PAQR5: variants seen among roughly 807,000 people sequenced by gnomAD.
PAQR5 encodes the protein membrane progestin receptor gamma.
In PAQR5, 20 loss-of-function variants were observed where a neutral mutation model predicts 34.5. That is an observed-to-expected ratio of 0.58 (90% confidence interval 0.41 to 0.84). The LOEUF is 0.84. Among genes scored for constraint, PAQR5 ranks in the 40% least tolerant of loss-of-function variants. PAQR5 has a pLI of 0.00. For synonymous variants in PAQR5, 131 were observed against 155.6 expected, an observed-to-expected ratio of 0.84 and a Z score of 1.18; for missense variants, 378 against 412.7, an observed-to-expected ratio of 0.92 and a Z score of 0.73.
chr15:69,305,423 A>T (rs1024023244), intron 1 of PAQR5, among the ~76,000 whole-genome samples: 1 of 151,738 alleles, frequency 6.6e-6, no homozygotes, highest in Non-Finnish European at 1.5e-5. Flanking sequence ...GCAAGGACTT[A>T]TGGGTGGAGG....
At chr15:69,347,728 C>T (rs1416930888) in intron 2 of PAQR5, among the ~76,000 whole-genome samples, 1 of 152,156 alleles carries the variant, frequency 6.6e-6, no homozygotes, top group South Asian at 2.1e-4. Flanking sequence ...AGATTCGGTG[C>T]TTTTGGTCCA....
At chr15:69,392,451 G>A (rs1283504767) in intron 6 of PAQR5, among the ~76,000 whole-genome samples, 1 of 152,170 alleles carries the variant, frequency 6.6e-6, no homozygotes, top group Non-Finnish European at 1.5e-5. Flanking sequence ...AATGAAATGG[G>A]TTATTTATTT....
chr15:69,325,124 C>G (rs2054218651), intron 1 of PAQR5, among the ~76,000 whole-genome samples: 1 of 152,162 alleles, frequency 6.6e-6, no homozygotes, highest in East Asian at 1.9e-4. Context: ...GTCTTGAACT[C>G]CTGACCTCAG....
At position 69,363,539 on chromosome 15, in the gene PAQR5, TTTTGTTTTTG is replaced by T. The variant is rs1428223082; in HGVS notation, c.51+3412_51+3421del. 4.1e-4 allele frequency among the ~76,000 whole-genome samples: 10 copies of T among 24,534 alleles called. 1 individual carries two copies. In the East Asian group the frequency reaches 7.1e-3, roughly 17 times the overall value. The allele number at this position is 24,534 out of a possible 152,430, so 16.1% of individuals were successfully genotyped here. Reference sequence around the variant, plus strand: ...TCGAGTGTCAAATTGCTAATCTGTTTTTTGTTTTTGTTTTTTTTTTTTTTTGAGACAGAGT... The same window carrying T: ...TCGAGTGTCAAATTGCTAATCTGTTTTTTTTTTTTTTTTTTGAGACAGAGT... On this transcript the variant is annotated intron_variant, in intron 3 of 8. Coordinates refer to ENST00000395407, the MANE Select transcript of PAQR5 (RefSeq NM_017705.4).
intron 2 of PAQR5, among the ~76,000 whole-genome samples, chr15:69,355,727 ATTTC>A (rs1303260322): frequency 2.0e-5 from 3 of 151,788 alleles, no homozygotes; most frequent in Admixed American, 2.0e-4. Flanking sequence ...GGCCTGTCCT[ATTTC>A]TTTATTTATT....
intron 4 of PAQR5, among the ~76,000 whole-genome samples, chr15:69,381,924 C>T (rs1372994541): frequency 2.0e-5 from 3 of 152,144 alleles, no homozygotes; most frequent in Admixed American, 1.3e-4. Context: ...GAAAGGGAGC[C>T]AGCTCTCTAG....
Position 69,360,059 on chromosome 15 carries a change from G to A in PAQR5, c.-22G>A, listed in dbSNP as rs367858621. On this transcript the variant is annotated 5_prime_UTR_variant, in exon 3 of 9. Coordinates refer to ENST00000395407, the MANE Select transcript of PAQR5 (RefSeq NM_017705.4). ...AACAGGGAGGCGCTGTCACCTACTG[G>A]CCTTGCCAATCCAGCTCCAAGATGC... 1 of 1,611,192 alleles carries A rather than the reference G, an allele frequency of 6.2e-7. No individual in the cohort carries two copies. Among genetic ancestry groups the A allele is most frequent in the Non-Finnish European group, 8.5e-7 (1 of 1,177,542 alleles).
rs527444475 is a variant in PAQR5 at position 69,332,117 on chromosome 15, C to T, written c.-276-5224C>T. Among the ~76,000 whole-genome samples, 191 of 152,288 alleles carry T rather than the reference C, an allele frequency of 1.3e-3. 1 individual carries two copies. Among genetic ancestry groups the T allele is most frequent in the African/African-American group, 4.4e-3 (184 of 41,540 alleles). On this transcript the variant is annotated intron_variant, in intron 1 of 8. Coordinates refer to ENST00000395407, the MANE Select transcript of PAQR5 (RefSeq NM_017705.4). ...GGTAAAACAGTAAACTATTGGTCTCCTCTGCAAGGGTTTGATTAATAGAAA... is the reference window on the plus strand; with the variant it reads ...GGTAAAACAGTAAACTATTGGTCTCTTCTGCAAGGGTTTGATTAATAGAAA...
At chr15:69,388,900 T>TG (rs2056182430) in intron 5 of PAQR5, among the ~76,000 whole-genome samples, 1 of 152,126 alleles carries the variant, frequency 6.6e-6, no homozygotes, top group African/African-American at 2.4e-5. Context: ...GAGGTGAGGG[T>TG]GCAGGTCCAG....
chr15:69,316,058 TATTCTC>T (rs2053939668), intron 1 of PAQR5, among the ~76,000 whole-genome samples: 1 of 152,164 alleles, frequency 6.6e-6, no homozygotes, highest in African/African-American at 2.4e-5. Context: ...GATGAACTGT[TATTCTC>T]ATTATTCATA....
chr15:69,327,655 A>G (rs1390359971), intron 1 of PAQR5, among the ~76,000 whole-genome samples: 1 of 152,172 alleles, frequency 6.6e-6, no homozygotes, highest in African/African-American at 2.4e-5. Context: ...TTGACAACAG[A>G]GAAAGTGAGA....
intron 3 of PAQR5, among the ~76,000 whole-genome samples, chr15:69,376,557 C>T (rs1267831160): frequency 3.3e-5 from 5 of 152,294 alleles, no homozygotes; most frequent in Non-Finnish European, 5.9e-5. Context: ...TAAGCTGGAA[C>T]ATCATTGTCC....
chr15:69,350,489 A>G (rs938218890), intron 2 of PAQR5, among the ~76,000 whole-genome samples: 5 of 152,220 alleles, frequency 3.3e-5, no homozygotes, highest in African/African-American at 1.2e-4. Flanking sequence ...CTAAAAATAC[A>G]AAATTTAGCC....
chr15:69,311,933 G>A (rs996963729), intron 1 of PAQR5, among the ~76,000 whole-genome samples: 2 of 152,314 alleles, frequency 1.3e-5, no homozygotes, highest in Non-Finnish European at 2.9e-5. Context: ...GAATGTAAGG[G>A]TCAGTAAACT....
At position 69,403,974 on chromosome 15, in the gene PAQR5, C is replaced by A; in HGVS notation, c.*152C>A. 2 of 805,886 alleles carry A rather than the reference C, an allele frequency of 2.5e-6. No individual in the cohort carries two copies. Among genetic ancestry groups the A allele is most frequent in the Non-Finnish European group, 3.8e-6 (2 of 522,202 alleles). 49.9% of individuals were successfully genotyped at this position (805,886 alleles called of 1,614,324 possible). ...AATTCATGTCAAAAATGTTATTCAG[C>A]TGGGGAAATTTCTCTAAATGTACAC... is the stretch of plus-strand genomic sequence containing the variant. On this transcript the variant is annotated 3_prime_UTR_variant, in exon 9 of 9. Transcript: ENST00000395407.
intron 4 of PAQR5, among the ~76,000 whole-genome samples, chr15:69,383,692 T>C (rs1595921285): frequency 1.4e-5 from 1 of 69,094 alleles, no homozygotes; most frequent in Admixed American, 1.7e-4. Flanking sequence ...GGAGGGTGAG[T>C]GGGCCTCTGT....
At chr15:69,329,463 CTTTTTTTTTTTTTTTTT>C (rs1038357937) in intron 1 of PAQR5, among the ~76,000 whole-genome samples, 2 of 73,760 alleles carry the variant, frequency 2.7e-5, no homozygotes, top group Non-Finnish European at 4.7e-5. Flanking sequence ...TTTTTTCTTT[CTTTTTTTTTTTTTTTTT>C]TTTTTTTTGG....
intron 5 of PAQR5, 105 bp from the exon 6 acceptor site, chr15:69,389,549 G>A (rs112955140): frequency 2.1e-6 from 3 of 1,460,286 alleles, no homozygotes; most frequent in Non-Finnish European, 1.9e-6. Context: ...AGCCAGGACT[G>A]TGGGAATGAT....
chr15:69,378,850 C>CT (rs1173893180), intron 3 of PAQR5, among the ~76,000 whole-genome samples: 3 of 152,138 alleles, frequency 2.0e-5, no homozygotes, highest in Admixed American at 2.0e-4. Context: ...ACAGTGTGAG[C>CT]TAGTGGCATT....
Sources: gnomAD v4.1 joint callset for allele counts (sites outside exome capture counted in the v4.1 genomes callset) on GRCh38, gnomAD v4.1.1 for gene constraint, MANE v1.5 for transcripts, NCBI Gene and HGNC (gene_info 2026-07-23, HGNC 2026-07-21) for gene names.